The following DPH6 variants were observed in gnomAD, a reference collection of about 807,000 sequenced individuals.
DPH6 encodes the protein diphthamine biosynthesis 6, also known as diphthine--ammonia ligase.
A neutral mutation model predicts 38.2 loss-of-function variants in DPH6; 33 were observed. That is an observed-to-expected ratio of 0.86 (90% CI 0.65 to 1.15). The LOEUF (loss-of-function observed/expected upper bound fraction) is 1.15, where lower values mean the gene tolerates loss of function less well. DPH6 is among the 50% of genes most tolerant of loss of function. The pLI is 0.00. For synonymous variants in DPH6, 108 were observed against 103.0 expected, an observed-to-expected ratio of 1.05 and a Z score of -0.30; for missense variants, 325 against 320.0, an observed-to-expected ratio of 1.02 and a Z score of -0.12.
intron 2 of DPH6, among the ~76,000 whole-genome samples, chr15:35,539,278 T>C (rs1595454901): frequency 6.6e-6 from 1 of 152,070 alleles, no homozygotes; most frequent in East Asian, 1.9e-4. Context: ...ACATTATTTA[T>C]AATAGACTAG....
At chr15:35,195,043 T>TA in the DPH6 span, among the ~76,000 whole-genome samples, 1 of 152,204 alleles carries the variant, frequency 6.6e-6, no homozygotes, top group Non-Finnish European at 1.5e-5. Flanking sequence ...TTGTACCCAT[T>TA]AATTAACCTC....
chr15:35,270,330 A>C (rs2051814800), intron 3 of DPH6, among the ~76,000 whole-genome samples: 1 of 152,230 alleles, frequency 6.6e-6, no homozygotes, highest in Admixed American at 6.5e-5. Flanking sequence ...AATATTATGA[A>C]TGGAGTGCAT....
chr15:35,379,916 C>T (rs2052841641), intron 7 of DPH6, among the ~76,000 whole-genome samples: 1 of 151,466 alleles, frequency 6.6e-6, no homozygotes, highest in Non-Finnish European at 1.5e-5. Flanking sequence ...AAGGATTTAG[C>T]AAAGTGGTCA....
intron 3 of DPH6, among the ~76,000 whole-genome samples, chr15:35,356,534 T>G (rs2052561868): frequency 6.6e-6 from 1 of 152,188 alleles, no homozygotes; most frequent in Admixed American, 6.5e-5. Context: ...CTGTTGGAGT[T>G]TGCTGGAGGT....
the DPH6 span, among the ~76,000 whole-genome samples, chr15:35,195,919 AT>A: frequency 1.1e-4 from 16 of 152,152 alleles, no homozygotes; most frequent in East Asian, 2.7e-3. Context: ...TTCCATGGGA[AT>A]TTGGCTCTGA....
intron 3 of DPH6, among the ~76,000 whole-genome samples, chr15:35,342,797 G>C (rs1446073154): frequency 6.6e-6 from 1 of 152,092 alleles, no homozygotes; most frequent in African/African-American, 2.4e-5. Flanking sequence ...ATCTTCATCA[G>C]GTCTGTTTTT....
At chr15:35,217,082 A>G (rs185393139), downstream of DPH6, among the ~76,000 whole-genome samples, 172 of 152,352 alleles carry the variant, frequency 1.1e-3, 3 homozygotes, top group Middle Eastern at 0.02. Flanking sequence ...CAATAATAGC[A>G]AATGTAAGTG....
rs145925137 is a variant in DPH6 at position 35,281,855 on chromosome 15, C to T, written n.201-61273G>A. Among the ~76,000 whole-genome samples the T allele has an allele frequency of 5.3e-4, 80 of 152,240 alleles. 1 individual carries two copies. Among genetic ancestry groups the T allele is most frequent in the African/African-American group, 1.8e-3 (75 of 41,562 alleles). ...AGCCTACACTAGCCTTTCATTGTCCCCTGGTCAAGACATCTTCCCCTGCAA... is the reference window on the plus strand; with the variant it reads ...AGCCTACACTAGCCTTTCATTGTCCTCTGGTCAAGACATCTTCCCCTGCAA... On this transcript the variant is annotated intron_variant and non_coding_transcript_variant, in intron 3 of 3. Transcript: ENST00000560386.
chr15:35,413,162 A>T (rs1037034036), intron 5 of DPH6, among the ~76,000 whole-genome samples: 1 of 151,678 alleles, frequency 6.6e-6, no homozygotes, highest in African/African-American at 2.4e-5. Context: ...TAAAATAAAA[A>T]AATTTGGTAA....
chr15:35,479,575 G>A (rs1355888718), intron 3 of DPH6, among the ~76,000 whole-genome samples: 1 of 152,048 alleles, frequency 6.6e-6, no homozygotes, highest in Non-Finnish European at 1.5e-5. Flanking sequence ...GTTCACCAAA[G>A]AGCAACTACA....
chr15:35,251,196 T>G (rs1322233766), intron 3 of DPH6, among the ~76,000 whole-genome samples: 2 of 152,208 alleles, frequency 1.3e-5, no homozygotes, highest in African/African-American at 2.4e-5. Context: ...TTCTTAAAAT[T>G]TTTAAGTAAT....
At chr15:35,482,779 C>T (rs746467829) in intron 3 of DPH6, among the ~76,000 whole-genome samples, 3 of 151,932 alleles carry the variant, frequency 2.0e-5, no homozygotes, top group Non-Finnish European at 4.4e-5. Context: ...TGTTAGTAGT[C>T]CCAGCTTAGA....
Position 35,538,431 on chromosome 15 carries a change from G to A in DPH6, c.155C>T (p.Thr52Ile), listed in dbSNP as rs769995089. 8.2e-6 allele frequency: 13 copies of A among 1,588,570 alleles called. No homozygotes were observed. In the South Asian group the frequency reaches 1.5e-4, roughly 18 times the overall value. Reference sequence around the variant, plus strand: ...CAAGTCAATGGCATGGTGCCCCACTGTCTGATACATGTAGCTATCCAGTTC... The same window carrying A: ...CAAGTCAATGGCATGGTGCCCCACTATCTGATACATGTAGCTATCCAGTTC... ...SDELDSYMYQ[T>I]VGHHAIDLYA... The change falls in exon 3 of 9, where the codon ACA becomes ATA. Residue 52 changes from threonine (T) to isoleucine (I), a missense_variant. Transcript: ENST00000256538.
intron 3 of DPH6, among the ~76,000 whole-genome samples, chr15:35,533,351 C>T (rs902264744): frequency 2.6e-5 from 4 of 152,148 alleles, no homozygotes; most frequent in African/African-American, 7.2e-5. Flanking sequence ...CTTCTCCCAA[C>T]CACAACTGAC....
intron 1 of DPH6, 54 bp from the exon 2 acceptor site, chr15:35,542,561 C>T: frequency 1.4e-6 from 2 of 1,433,150 alleles, no homozygotes; most frequent in South Asian, 2.7e-5. Context: ...CATTATTCAA[C>T]ATAAAATCAC....
chr15:35,455,759 C>A (rs1001389314), intron 3 of DPH6, among the ~76,000 whole-genome samples: 5 of 152,086 alleles, frequency 3.3e-5, no homozygotes, highest in African/African-American at 9.7e-5. Flanking sequence ...AATAGAAATT[C>A]TCTGAATAGG....
At chr15:35,455,885 A>T (rs2053990048) in intron 3 of DPH6, among the ~76,000 whole-genome samples, 1 of 152,220 alleles carries the variant, frequency 6.6e-6, no homozygotes, top group Non-Finnish European at 1.5e-5. Context: ...GAAAAACAAA[A>T]GTGTTTCACA....
At chr15:35,194,188 G>T in the DPH6 span, among the ~76,000 whole-genome samples, 1 of 151,918 alleles carries the variant, frequency 6.6e-6, no homozygotes, top group Non-Finnish European at 1.5e-5. Context: ...TCCTCCTAAG[G>T]TTCCATATCT....
At chr15:35,484,445 T>A (rs2054369852) in intron 3 of DPH6, among the ~76,000 whole-genome samples, 1 of 152,224 alleles carries the variant, frequency 6.6e-6, no homozygotes, top group African/African-American at 2.4e-5. Flanking sequence ...AAGATTCAAC[T>A]GGGATAAGAT....
Sources: gnomAD v4.1 joint callset for allele counts (sites outside exome capture counted in the v4.1 genomes callset) on GRCh38, gnomAD v4.1.1 for gene constraint, MANE v1.5 for transcripts, NCBI Gene and HGNC (gene_info 2026-07-23, HGNC 2026-07-21) for gene names.